The following HCN4 variants were observed in gnomAD, a reference collection of about 807,000 sequenced individuals.
HCN4 encodes the protein potassium/sodium hyperpolarization-activated cyclic nucleotide-gated channel 4.
In HCN4, 29 loss-of-function variants were observed where a neutral mutation model predicts 76.9. The observed-to-expected ratio is 0.38, with a 90% CI of 0.28 to 0.51. HCN4 has a LOEUF of 0.51. Ranked by LOEUF, HCN4 falls within the 20% of genes least tolerant of loss-of-function variation. HCN4 has a pLI of 0.90. For synonymous variants in HCN4, 772 were observed against 762.5 expected (o/e 1.01, Z -0.21); for missense variants, 1,416 against 1,715.2 (o/e 0.83, Z 3.08).
chr15:73,353,020 G>A (rs545091492), intron 1 of HCN4, among the ~76,000 whole-genome samples: 1 of 151,742 alleles, frequency 6.6e-6, no homozygotes, highest in African/African-American at 2.4e-5. Context: ...ATGGATGGAT[G>A]GATGGATGGA....
chr15:73,357,076 A>T (rs2043084545), intron 1 of HCN4, among the ~76,000 whole-genome samples: 1 of 152,170 alleles, frequency 6.6e-6, no homozygotes, highest in Non-Finnish European at 1.5e-5. Context: ...GCCCGGCCTC[A>T]CCCAGGGAGC....
intron 3 of HCN4, among the ~76,000 whole-genome samples, chr15:73,330,290 T>TA (rs1326223936): frequency 1.3e-5 from 2 of 152,188 alleles, no homozygotes; most frequent in Admixed American, 1.3e-4. Context: ...GAGCAAAAGT[T>TA]AAAGCTGTGA....
intron 1 of HCN4, among the ~76,000 whole-genome samples, chr15:73,364,214 G>A (rs564578722): frequency 7.9e-5 from 12 of 152,140 alleles, no homozygotes; most frequent in African/African-American, 2.9e-4. Flanking sequence ...CTTTGGGGGC[G>A]CAGCAGCAAT....
At chr15:73,357,217 T>A (rs2043085253) in intron 1 of HCN4, among the ~76,000 whole-genome samples, 1 of 151,942 alleles carries the variant, frequency 6.6e-6, no homozygotes, top group Non-Finnish European at 1.5e-5. Flanking sequence ...CTCAGAGAGG[T>A]GAGGCCTCAG....
chr15:73,326,890 G>A (rs942023351), intron 4 of HCN4, among the ~76,000 whole-genome samples: 5 of 151,094 alleles, frequency 3.3e-5, no homozygotes, highest in South Asian at 2.1e-4. Flanking sequence ...GGGCTCAAGC[G>A]ATTCTCCCAT....
chr15:73,327,511 C>T (rs1405031974), intron 4 of HCN4, among the ~76,000 whole-genome samples: 1 of 152,048 alleles, frequency 6.6e-6, no homozygotes, highest in African/African-American at 2.4e-5. Flanking sequence ...CTGAGCCCCA[C>T]CCCAGTCACA....
chr15:73,336,383 G>A (rs182694971), intron 2 of HCN4, among the ~76,000 whole-genome samples: 76 of 152,260 alleles, frequency 5.0e-4, no homozygotes, highest in Admixed American at 7.8e-4. Flanking sequence ...TGTGGAGACC[G>A]GCAATGCTCC....
intron 2 of HCN4, 80 bp from the exon 3 acceptor site, chr15:73,332,372 T>A: frequency 7.0e-7 from 1 of 1,424,534 alleles, no homozygotes; most frequent in Non-Finnish European, 9.9e-7. Context: ...GCCCTGGAGC[T>A]GCTGGTGGGC....
In HCN4 at chr15:73,368,901, C is replaced by T. The variant is rs1185682185; in HGVS notation, c.-631G>A. On this transcript the variant is annotated 5_prime_UTR_variant, in exon 1 of 8. Coordinates refer to ENST00000261917, the MANE Select transcript of HCN4 (RefSeq NM_005477.3). This position sits in a 1 kb window ranked among gnomAD's most constrained non-coding sequence, Gnocchi z 6.9. ...CTCCGGCAGCGCTCGGGCTCCCGCGCCCCGGAATATTCATGAAGCCGCCGC... is the reference window on the plus strand; with the variant it reads ...CTCCGGCAGCGCTCGGGCTCCCGCGTCCCGGAATATTCATGAAGCCGCCGC... 6.6e-6 allele frequency: 1 copy of T among 152,212 alleles called. No homozygotes were observed. The highest frequency in any genetic ancestry group is 2.4e-5 in the African/African-American group (1 of 41,462). 9.4% of individuals were successfully genotyped at this position (152,212 alleles called of 1,614,324 possible).
At position 73,346,147 on chromosome 15, in the gene HCN4, T is replaced by A. The variant is rs1481297909; in HGVS notation, c.786-2339A>T. ...GGCTGGGGTCGGGATCCTGGATCATTCTTTCCCACAAACCACTACCCTGGA... is the reference window on the plus strand; with the variant it reads ...GGCTGGGGTCGGGATCCTGGATCATACTTTCCCACAAACCACTACCCTGGA... On this transcript the variant is annotated intron_variant, in intron 1 of 7. Transcript: ENST00000261917. 3.3e-5 allele frequency among the ~76,000 whole-genome samples: 5 copies of A among 152,286 alleles called. No individual in the cohort carries two copies. The South Asian group carries it at 6.2e-4, about 19-fold the overall frequency.
chr15:73,334,716 T>C (rs1236402735), intron 2 of HCN4, among the ~76,000 whole-genome samples: 2 of 151,462 alleles, frequency 1.3e-5, no homozygotes, highest in African/African-American at 4.8e-5. Context: ...AAGCTAGACA[T>C]CTGCCCCCTG....
At chr15:73,327,248 C>T (rs1388434742) in intron 4 of HCN4, among the ~76,000 whole-genome samples, 2 of 151,712 alleles carry the variant, frequency 1.3e-5, no homozygotes, top group Non-Finnish European at 2.9e-5. Flanking sequence ...GCTGGGACTA[C>T]AGGTGTGCAC....
chr15:73,353,059 C>T (rs531831978), intron 1 of HCN4, among the ~76,000 whole-genome samples: 263 of 150,602 alleles, frequency 1.7e-3, no homozygotes, highest in African/African-American at 5.7e-3. Flanking sequence ...GACGGACGGA[C>T]GGGAGACTGT....
chr15:73,348,341 G>A (rs2043037918), intron 1 of HCN4, among the ~76,000 whole-genome samples: 1 of 152,218 alleles, frequency 6.6e-6, no homozygotes, highest in Admixed American at 6.5e-5. Flanking sequence ...TGCCTTTGAG[G>A]ACATATGCAC....
intron 2 of HCN4, among the ~76,000 whole-genome samples, chr15:73,340,221 C>G (rs56368304): frequency 6.6e-6 from 1 of 152,218 alleles, no homozygotes; most frequent in Non-Finnish European, 1.5e-5. Flanking sequence ...GAAAGACAAG[C>G]TTAGCTCCAA....
At position 73,323,699 on chromosome 15, in the gene HCN4, G is replaced by A; in HGVS notation, c.2394C>T (p.His798=). 8 of 1,596,608 alleles carry A rather than the reference G, an allele frequency of 5.0e-6. No individual in the cohort carries two copies. The highest frequency in any genetic ancestry group is 6.8e-6 in the Non-Finnish European group (8 of 1,171,726). ...TTSVAIALTH[H]PRLPAAIFRP... is the part of the protein sequence containing the mutation. ...GGAAGATGGCAGCAGGCAGGCGAGG[G>A]TGGTGGGTGAGGGCTATGGCCACAG... Residue 798 remains histidine (H), a synonymous_variant, in exon 8 of 8, where the codon CAC becomes CAT. Coordinates refer to ENST00000261917, the MANE Select transcript of HCN4 (RefSeq NM_005477.3).
Position 73,325,481 on chromosome 15 carries a change from C to T in HCN4, c.1591-37G>A. The T allele has an allele frequency of 6.2e-7, 1 of 1,612,072 alleles. No individual in the cohort carries two copies. The highest frequency in any genetic ancestry group is 8.5e-7 in the Non-Finnish European group (1 of 1,178,558). ...AGAAGGGGGCGTCAGCTCCACCCCACCAGGGGGCGTCAGCAGCCAGCCCCA... is the reference window on the plus strand; with the variant it reads ...AGAAGGGGGCGTCAGCTCCACCCCATCAGGGGGCGTCAGCAGCCAGCCCCA... On this transcript the variant is annotated intron_variant, in intron 4 of 7. Transcript: ENST00000261917. This position sits in a 1 kb window ranked among gnomAD's most constrained non-coding sequence, Gnocchi z 7.4.
rs755045071 is a variant in HCN4 at position 73,323,586 on chromosome 15, G to A, written c.2507C>T (p.Ala836Val). 21 of 1,601,164 alleles carry A rather than the reference G, an allele frequency of 1.3e-5. No homozygotes were observed. Among genetic ancestry groups the A allele is most frequent in the Admixed American group, 5.0e-5 (3 of 59,984 alleles). ...GCTGGCGGGCGAGGCGGAGCCCAGC[G>A]CAGAAGGGATCAGGGACTGCAGCCG... ...LKRLQSLIPSALGSASPASSP... is the reference protein window; with the variant it reads ...LKRLQSLIPSVLGSASPASSP... The change falls in exon 8 of 8, where the codon GCG becomes GTG. Residue 836 changes from alanine (A) to valine (V), a missense_variant. Coordinates refer to ENST00000261917, the MANE Select transcript of HCN4 (RefSeq NM_005477.3).
In HCN4 at chr15:73,324,304, A is replaced by T. The variant is rs534315900; in HGVS notation, c.1979-51T>A. The T allele has an allele frequency of 1.6e-4, 251 of 1,591,730 alleles. 3 individuals are homozygous for T. The East Asian group carries it at 5.5e-3, about 35-fold the overall frequency. The stretch of plus-strand genomic sequence containing the variant: ...GAGGCATGCACAGCCTGCCCAGGCC[A>T]GGGGGACTGCCCACCCTGACCTTGG... On this transcript the variant is annotated intron_variant, in intron 6 of 7. Transcript: ENST00000261917.
Sources: gnomAD v4.1 joint callset for allele counts (sites outside exome capture counted in the v4.1 genomes callset) on GRCh38, gnomAD v4.1.1 for gene constraint, Gnocchi (gnomAD v3.1) non-coding constraint, MANE v1.5 for transcripts, NCBI Gene and HGNC (gene_info 2026-07-23, HGNC 2026-07-21) for gene names.